FGF12: variants seen among roughly 807,000 people sequenced by gnomAD.
FGF12 encodes fibroblast growth factor 12.
Under a neutral mutation model 23.6 loss-of-function variants are expected in FGF12, and 14 were observed. That is an observed-to-expected ratio of 0.59 (90% CI 0.39 to 0.93). The LOEUF (loss-of-function observed/expected upper bound fraction) is 0.93, where lower values mean the gene tolerates loss of function less well. Ranked by LOEUF, FGF12 falls within the 40% of genes least tolerant of loss-of-function variation. FGF12 has a pLI of 0.00. For missense variants in FGF12, 175 were observed against 217.8 expected, an observed-to-expected ratio of 0.80 and a Z score of 1.24; for synonymous variants, 62 against 77.3, an observed-to-expected ratio of 0.80 and a Z score of 1.04.
At chr3:192,652,490 C>T (rs958593500) in intron 2 of FGF12, among the ~76,000 whole-genome samples, 1 of 152,150 alleles carries the variant, frequency 6.6e-6, no homozygotes, top group African/African-American at 2.4e-5. Flanking sequence ...GTAAAATATC[C>T]TCTCTATGTT....
intron 5 of FGF12, among the ~76,000 whole-genome samples, chr3:192,154,885 G>C (rs562355711): frequency 0.083 from 10,103 of 121,484 alleles, 518 homozygotes; most frequent in Middle Eastern, 0.15. Context: ...AAACAAGCCT[G>C]GGCAATGGCG....
At chr3:192,189,417 C>T (rs761884359) in intron 4 of FGF12, among the ~76,000 whole-genome samples, 1 of 152,138 alleles carries the variant, frequency 6.6e-6, no homozygotes, top group Non-Finnish European at 1.5e-5. Flanking sequence ...GTAAAGTTGA[C>T]GCACCTCTCT....
intron 2 of FGF12, among the ~76,000 whole-genome samples, chr3:192,633,455 G>A (rs1402955833): frequency 3.3e-5 from 5 of 152,026 alleles, no homozygotes; most frequent in African/African-American, 9.7e-5. Flanking sequence ...GGTTCTTGGC[G>A]GACATTAATT....
chr3:192,298,079 G>A (rs1423056273), intron 4 of FGF12, among the ~76,000 whole-genome samples: 2 of 152,242 alleles, frequency 1.3e-5, no homozygotes, highest in African/African-American at 4.8e-5. Flanking sequence ...ACTGAACACA[G>A]TGCATGGCAC....
intron 4 of FGF12, among the ~76,000 whole-genome samples, chr3:192,172,394 C>T (rs542265727): frequency 7.2e-6 from 1 of 139,268 alleles, no homozygotes; most frequent in Admixed American, 6.9e-5. Flanking sequence ...CTCAACCCCC[C>T]CTTCAAAAAA....
rs146946626 is a variant in FGF12, at chr3:192,502,694, C to T, written c.14-142156G>A. ...GCGTTTCTCCTAAAAGACAGAGATG[C>T]TCTACCTTCAGTCATGTGGCAGTAA... is the stretch of plus-strand genomic sequence containing the variant. On this transcript the variant is annotated intron_variant, in intron 2 of 5. Coordinates refer to ENST00000445105, the MANE Select transcript of FGF12 (RefSeq NM_004113.6). Among the ~76,000 whole-genome samples, 642 of 152,298 alleles carry T rather than the reference C, an allele frequency of 4.2e-3. 5 individuals carry two copies. The highest frequency in any genetic ancestry group is 0.015 in the African/African-American group (623 of 41,560).
At chr3:192,463,088 C>T (rs1381375875) in intron 2 of FGF12, among the ~76,000 whole-genome samples, 1 of 152,116 alleles carries the variant, frequency 6.6e-6, no homozygotes, top group Non-Finnish European at 1.5e-5. Context: ...AAGGAACAGA[C>T]CAAGCTGTTC....
intron 2 of FGF12, among the ~76,000 whole-genome samples, chr3:192,534,762 A>T (rs1338258958): frequency 6.6e-6 from 1 of 152,204 alleles, no homozygotes; most frequent in East Asian, 1.9e-4. Context: ...AGAGTGGCTG[A>T]TAATTCATAT....
At chr3:192,231,770 C>CA (rs1182467511) in intron 4 of FGF12, among the ~76,000 whole-genome samples, 18 of 137,112 alleles carry the variant, frequency 1.3e-4, no homozygotes, top group East Asian at 8.5e-4. Flanking sequence ...ACTCTGTCTC[C>CA]AAAAAAAAAA....
chr3:192,495,790 G>A (rs534909595), intron 2 of FGF12, among the ~76,000 whole-genome samples: 21 of 152,036 alleles, frequency 1.4e-4, no homozygotes, highest in Admixed American at 2.6e-4. Context: ...ACTCAGCCTC[G>A]AGTAGTTGGG....
At chr3:192,708,543 C>A (rs1294193754) in intron 2 of FGF12, among the ~76,000 whole-genome samples, 1 of 151,948 alleles carries the variant, frequency 6.6e-6, no homozygotes, top group Non-Finnish European at 1.5e-5. Context: ...TGACATAGTC[C>A]CTATAGAATT....
At chr3:192,476,686 T>C (rs1723336509) in intron 2 of FGF12, among the ~76,000 whole-genome samples, 1 of 152,172 alleles carries the variant, frequency 6.6e-6, no homozygotes, top group Admixed American at 6.5e-5. Context: ...TTCCCTGAAG[T>C]CAGACACTGA....
Position 192,158,254 on chromosome 3 carries a change from C to T in FGF12, c.427+12204G>A, listed in dbSNP as rs181252656. ...CACCTTCCCCTTGTACCTCAAGCTT[C>T]CAATACCACCTTAGCCCCTCCACAG... On this transcript the variant is annotated intron_variant, in intron 5 of 5. Coordinates refer to ENST00000445105, the MANE Select transcript of FGF12 (RefSeq NM_004113.6). Among the ~76,000 whole-genome samples the T allele has an allele frequency of 2.6e-3, 391 of 152,226 alleles. 4 individuals are homozygous for T. Among genetic ancestry groups the T allele is most frequent in the African/African-American group, 9.1e-3 (379 of 41,536 alleles).
intron 4 of FGF12, among the ~76,000 whole-genome samples, chr3:192,243,051 T>C (rs950778778): frequency 2.6e-5 from 4 of 152,072 alleles, no homozygotes; most frequent in Admixed American, 6.5e-5. Context: ...ATAATACTGA[T>C]AGTTAATTTT....
intron 2 of FGF12, among the ~76,000 whole-genome samples, chr3:192,723,964 AGGAGG>A (rs1269593502): frequency 2.4e-5 from 2 of 85,012 alleles, no homozygotes; most frequent in Non-Finnish European, 4.4e-5. Context: ...GAGGAGAGGA[AGGAGG>A]GGAGGGGAGG....
intron 4 of FGF12, among the ~76,000 whole-genome samples, chr3:192,197,801 C>T (rs1281973206): frequency 4.6e-5 from 7 of 151,994 alleles, no homozygotes; most frequent in African/African-American, 1.2e-4. Flanking sequence ...ACAAAGTTAG[C>T]CGGGCGTGGT....
At chr3:192,700,972 TACATTATGTAGAG>T (rs552948228) in intron 2 of FGF12, among the ~76,000 whole-genome samples, 119 of 152,348 alleles carry the variant, frequency 7.8e-4, no homozygotes, top group African/African-American at 2.7e-3. Flanking sequence ...TAAGGAAATC[TACATTATGTAGAG>T]AATCCTCTTC....
At chr3:192,299,966 T>C (rs1465102160) in intron 4 of FGF12, among the ~76,000 whole-genome samples, 2 of 152,144 alleles carry the variant, frequency 1.3e-5, no homozygotes, top group Admixed American at 1.3e-4. Flanking sequence ...CTGCCTCAGG[T>C]ATTTATGCAT....
intron 4 of FGF12, among the ~76,000 whole-genome samples, chr3:192,266,719 A>T (rs564777562): frequency 5.3e-5 from 8 of 151,984 alleles, no homozygotes; most frequent in African/African-American, 1.4e-4. Flanking sequence ...AATCAGTCTT[A>T]CTCCATCCTG....
Sources: gnomAD v4.1 joint callset for allele counts (sites outside exome capture counted in the v4.1 genomes callset) on GRCh38, gnomAD v4.1.1 for gene constraint, MANE v1.5 for transcripts, NCBI Gene and HGNC (gene_info 2026-07-23, HGNC 2026-07-21) for gene names.